The following EYS variants were observed in gnomAD, a reference collection of about 807,000 sequenced individuals.
EYS encodes the protein EGF-like photoreceptor maintenance factor, also known as protein eyes shut homolog.
EYS carries 250 observed loss-of-function variants against 282.1 expected under a neutral mutation model. The observed-to-expected ratio is 0.89, with a 90% CI of 0.80 to 0.98. The LOEUF is 0.98. EYS is among the 50% of genes least tolerant of loss of function. EYS has a pLI of 0.00. For missense variants in EYS, 4,016 were observed against 3,709.0 expected, an observed-to-expected ratio of 1.08 and a Z score of -2.15; for synonymous variants, 1,355 against 1,282.9, an observed-to-expected ratio of 1.06 and a Z score of -1.20.
intron 12 of EYS, among the ~76,000 whole-genome samples, chr6:65,181,284 G>T (rs2150233530): frequency 6.6e-6 from 1 of 152,076 alleles, no homozygotes. Context: ...TACAGAGTGG[G>T]AGAAAATTTT....
intron 12 of EYS, among the ~76,000 whole-genome samples, chr6:65,233,755 T>C (rs1419522513): frequency 1.3e-5 from 2 of 152,216 alleles, no homozygotes; most frequent in Non-Finnish European, 1.5e-5. Context: ...CTCTAGTAGC[T>C]ACCTCCATGT....
At chr6:65,430,712 T>C (rs765232173) in intron 5 of EYS, among the ~76,000 whole-genome samples, 1 of 152,176 alleles carries the variant, frequency 6.6e-6, no homozygotes, top group East Asian at 1.9e-4. Flanking sequence ...GATAGGACAC[T>C]GGTCAGAGTC....
chr6:64,463,402 C>T (rs1208061094), intron 26 of EYS, among the ~76,000 whole-genome samples: 1 of 152,180 alleles, frequency 6.6e-6, no homozygotes, highest in Non-Finnish European at 1.5e-5. Context: ...AAACATTCTA[C>T]ATTATGATAT....
intron 30 of EYS, among the ~76,000 whole-genome samples, chr6:64,301,755 T>C (rs1769246054): frequency 6.6e-6 from 1 of 152,194 alleles, no homozygotes; most frequent in Non-Finnish European, 1.5e-5. Flanking sequence ...TTCTGTGATG[T>C]TACCTACAAA....
In EYS at chr6:64,100,800, A is replaced by G. The variant is rs189502484; in HGVS notation, c.6425-18798T>C. The stretch of plus-strand genomic sequence containing the variant: ...AGAATTCTTAGGGTAGGGGGTGGTT[A>G]CTTACCCAACTGTAGCTGACGTGGC... On this transcript the variant is annotated intron_variant, in intron 31 of 42. Transcript: ENST00000503581. 1.1e-3 allele frequency among the ~76,000 whole-genome samples: 168 copies of G among 152,254 alleles called. 1 individual carries two copies. The highest frequency in any genetic ancestry group is 6.8e-3 in the Middle Eastern group (2 of 294).
At position 65,541,246 on chromosome 6, in the gene EYS, T is replaced by C. The variant is rs1427660201; in HGVS notation, c.-332-45253A>G. Among the ~76,000 whole-genome samples, 3 of 152,254 alleles carry C rather than the reference T, an allele frequency of 2.0e-5. No individual in the cohort carries two copies. The East Asian group carries it at 5.8e-4, about 29-fold the overall frequency. On this transcript the variant is annotated intron_variant, in intron 2 of 42. Coordinates refer to ENST00000503581, the MANE Select transcript of EYS (RefSeq NM_001142800.2). Reference sequence around the variant, plus strand: ...TTAATCTAATATACAAATTGTATACTGATTGTAAGAGATTCTGAGTTAATT... The same window carrying C: ...TTAATCTAATATACAAATTGTATACCGATTGTAAGAGATTCTGAGTTAATT...
chr6:64,388,544 G>A (rs1054716914), intron 29 of EYS, 146 bp downstream of exon 29: 7 of 582,382 alleles, frequency 1.2e-5, no homozygotes, highest in Non-Finnish European at 2.0e-5. Context: ...TATGTTAGTA[G>A]AGTCACTCAA....
chr6:64,708,446 G>A (rs1210335923), intron 22 of EYS, among the ~76,000 whole-genome samples: 1 of 151,942 alleles, frequency 6.6e-6, no homozygotes, highest in Non-Finnish European at 1.5e-5. Context: ...AAATTCCTGG[G>A]GAAGGAAGTC....
chr6:65,518,331 C>T (rs1767220170), intron 2 of EYS, among the ~76,000 whole-genome samples: 1 of 152,134 alleles, frequency 6.6e-6, no homozygotes, highest in South Asian at 2.1e-4. Flanking sequence ...CTCCAACTTT[C>T]CACCTTCATC....
chr6:64,796,158 C>T (rs2150004242), intron 22 of EYS, among the ~76,000 whole-genome samples: 1 of 152,310 alleles, frequency 6.6e-6, no homozygotes, highest in Admixed American at 6.5e-5. Flanking sequence ...CAACCTATAT[C>T]CAACTTACAT....
At chr6:64,815,032 G>A (rs1305375007) in intron 21 of EYS, among the ~76,000 whole-genome samples, 1 of 151,944 alleles carries the variant, frequency 6.6e-6, no homozygotes, top group Non-Finnish European at 1.5e-5. Flanking sequence ...TGGAAAATTA[G>A]ATGATGTTAA....
intron 29 of EYS, chr6:64,379,436 A>G (rs371781952): frequency 6.6e-6 from 1 of 152,168 alleles, no homozygotes; most frequent in South Asian, 2.1e-4. Context: ...GGGAATATTG[A>G]TGGACTTTGA....
chr6:64,001,517 A>G (rs1768092340), intron 33 of EYS, among the ~76,000 whole-genome samples: 1 of 152,106 alleles, frequency 6.6e-6, no homozygotes, highest in Non-Finnish European at 1.5e-5. Flanking sequence ...GCTTAGCAAT[A>G]TTGGTGGAAA....
At chr6:64,473,555 A>G (rs1283593341) in intron 26 of EYS, among the ~76,000 whole-genome samples, 1 of 152,250 alleles carries the variant, frequency 6.6e-6, no homozygotes. Flanking sequence ...CAAAGTAAAT[A>G]TTAGTAAATG....
chr6:64,971,659 A>T (rs910513228), intron 14 of EYS, among the ~76,000 whole-genome samples: 2 of 152,142 alleles, frequency 1.3e-5, no homozygotes, highest in East Asian at 3.9e-4. Context: ...CCTTGAGTTC[A>T]ACAGTGAAGG....
At chr6:63,943,028 G>A (rs1471692797) in intron 35 of EYS, among the ~76,000 whole-genome samples, 2 of 152,154 alleles carry the variant, frequency 1.3e-5, no homozygotes, top group African/African-American at 4.8e-5. Flanking sequence ...TATCAAATAT[G>A]TGTTAACTGT....
At chr6:64,107,528 C>T (rs1404783341) in intron 31 of EYS, among the ~76,000 whole-genome samples, 3 of 151,636 alleles carry the variant, frequency 2.0e-5, no homozygotes, top group African/African-American at 7.3e-5. Context: ...CTTATATGTG[C>T]TGGCAGCTGA....
chr6:64,838,691 A>G (rs1283537184), intron 19 of EYS, among the ~76,000 whole-genome samples: 2 of 151,764 alleles, frequency 1.3e-5, no homozygotes, highest in South Asian at 2.1e-4. Flanking sequence ...ATAACAAATT[A>G]CTGCTTATGT....
At chr6:64,961,554 T>C (rs934668736) in intron 14 of EYS, among the ~76,000 whole-genome samples, 18 of 152,210 alleles carry the variant, frequency 1.2e-4, no homozygotes, top group African/African-American at 4.1e-4. Context: ...CTCTTTAAAA[T>C]ACTCAACAGC....
Sources: allele counts gnomAD v4.1 joint callset (sites outside exome capture counted in the v4.1 genomes callset), GRCh38; gene constraint gnomAD v4.1.1; transcripts MANE v1.5; gene names NCBI Gene and HGNC (gene_info 2026-07-23, HGNC 2026-07-21).